The following ARID5B variants were observed in gnomAD, a reference collection of about 807,000 sequenced individuals.
ARID5B encodes AT-rich interaction domain 5B.
A neutral mutation model predicts 97.2 loss-of-function variants in ARID5B; 13 were observed. That is an observed-to-expected ratio of 0.13 (90% confidence interval 0.09 to 0.21). ARID5B has a LOEUF of 0.21. Among genes scored for constraint, ARID5B ranks in the 10% least tolerant of loss-of-function variants. The pLI is 1.00. For missense variants in ARID5B, 1,210 were observed against 1,465.3 expected, an observed-to-expected ratio of 0.83 and a Z score of 2.84; for synonymous variants, 556 against 570.3, an observed-to-expected ratio of 0.97 and a Z score of 0.36.
intron 4 of ARID5B, among the ~76,000 whole-genome samples, chr10:62,014,964 T>C (rs1839264552): frequency 6.6e-6 from 1 of 152,180 alleles, no homozygotes. Flanking sequence ...ATACTTGCAT[T>C]CCATCAATGA....
At chr10:61,940,968 T>A (rs1216221184) in intron 3 of ARID5B, among the ~76,000 whole-genome samples, 2 of 40,284 alleles carry the variant, frequency 5.0e-5, no homozygotes, top group African/African-American at 1.1e-4. Flanking sequence ...TATATATATT[T>A]TTTTTTTTTT....
At chr10:61,943,406 A>G (rs1203214133) in intron 3 of ARID5B, among the ~76,000 whole-genome samples, 1 of 152,152 alleles carries the variant, frequency 6.6e-6, no homozygotes, top group Non-Finnish European at 1.5e-5. Context: ...TTCCTTCTGT[A>G]GAACCCTTCC....
chr10:62,063,522 AAAG>A (rs1192263802), intron 7 of ARID5B, among the ~76,000 whole-genome samples: 1 of 152,124 alleles, frequency 6.6e-6, no homozygotes, highest in African/African-American at 2.4e-5. Flanking sequence ...AAAAAAAAAA[AAAG>A]AGGAGCAGAA....
intron 4 of ARID5B, among the ~76,000 whole-genome samples, chr10:62,047,586 G>A (rs1395847877): frequency 6.6e-6 from 1 of 152,120 alleles, no homozygotes; most frequent in East Asian, 1.9e-4. Flanking sequence ...TAGGATTTAG[G>A]TTCTGTCAGT....
Position 61,902,383 on chromosome 10 carries a change from T to A in ARID5B, c.246T>A (p.Thr82=), listed in dbSNP as rs751607314. 6.2e-7 allele frequency: 1 copy of A among 1,613,938 alleles called. No individual in the cohort carries two copies. The highest frequency in any genetic ancestry group is 8.5e-7 in the Non-Finnish European group (1 of 1,179,972). ...AACTTTATTTCCTCCCAGAAGACAC[T>A]CCCCAGGGCAGAAATAGCGACCATG... ...SSKLYFLPED[T]PQGRNSDHGE... Residue 82 remains threonine (T), a synonymous_variant, in exon 2 of 10, where the codon ACT becomes ACA. Transcript: ENST00000279873.
intron 2 of ARID5B, among the ~76,000 whole-genome samples, chr10:61,906,258 C>T (rs1843706704): frequency 2.0e-5 from 3 of 151,708 alleles, no homozygotes; most frequent in Admixed American, 2.0e-4. Context: ...GGTTCTTGGA[C>T]CTAAAAATGA....
At chr10:62,018,157 G>A (rs1174895643) in intron 4 of ARID5B, among the ~76,000 whole-genome samples, 1 of 152,118 alleles carries the variant, frequency 6.6e-6, no homozygotes, top group Non-Finnish European at 1.5e-5. Flanking sequence ...AGGGACAGAG[G>A]CCCCACTATG....
At chr10:62,042,806 T>C (rs1265671631) in intron 4 of ARID5B, among the ~76,000 whole-genome samples, 6 of 150,972 alleles carry the variant, frequency 4.0e-5, no homozygotes, top group Non-Finnish European at 7.4e-5. Flanking sequence ...TCCCAGCTAC[T>C]CGGGAGGCCG....
intron 3 of ARID5B, among the ~76,000 whole-genome samples, chr10:61,987,415 A>G (rs1255715999): frequency 1.3e-5 from 2 of 152,246 alleles, no homozygotes; most frequent in African/African-American, 2.4e-5. Context: ...AAGAACCCAT[A>G]TTCTGGAAAG....
rs1231598137 is a variant in ARID5B at position 62,091,091 on chromosome 10, C to A, written c.1628C>A (p.Pro543Gln). Residue 543 changes from proline (P) to glutamine (Q), a missense_variant, in exon 10 of 10, where the codon CCA becomes CAA. Pro to Gln is a moderately conservative substitution (Grantham distance 76). Coordinates refer to ENST00000279873, the MANE Select transcript of ARID5B (RefSeq NM_032199.3). ...AGEKGPTPPL[P>Q]SAPLAPEKDS... Reference sequence around the variant, plus strand: ...GAGAAGGGGCCCACACCTCCACTCCCAAGTGCTCCTCTGGCCCCAGAAAAA... The same window carrying A: ...GAGAAGGGGCCCACACCTCCACTCCAAAGTGCTCCTCTGGCCCCAGAAAAA... 1 of 1,613,970 alleles carries A rather than the reference C, an allele frequency of 6.2e-7. No individual in the cohort carries two copies. The highest frequency in any genetic ancestry group is 8.5e-7 in the Non-Finnish European group (1 of 1,180,004).
At chr10:62,057,459 C>A in intron 6 of ARID5B, 141 bp downstream of exon 6, 1 of 897,922 alleles carries the variant, frequency 1.1e-6, no homozygotes, top group Non-Finnish European at 1.7e-6. Context: ...CATAAATGTT[C>A]CAGGCCAAGA....
At chr10:62,077,942 G>T (rs1211363291) in intron 8 of ARID5B, among the ~76,000 whole-genome samples, 1 of 152,178 alleles carries the variant, frequency 6.6e-6, no homozygotes, top group Non-Finnish European at 1.5e-5. Context: ...TATGACAGAA[G>T]AATGTAATTG....
At chr10:61,904,142 C>G (rs2132749895) in intron 2 of ARID5B, among the ~76,000 whole-genome samples, 1 of 141,862 alleles carries the variant, frequency 7.0e-6, no homozygotes, top group African/African-American at 2.6e-5. Context: ...AAATTTATTA[C>G]TTCAACATGG....
At chr10:61,947,732 A>C (rs771164011) in intron 3 of ARID5B, among the ~76,000 whole-genome samples, 4 of 152,196 alleles carry the variant, frequency 2.6e-5, no homozygotes, top group Non-Finnish European at 4.4e-5. Context: ...GGCTCAAATA[A>C]GTAATATTCA....
intron 2 of ARID5B, among the ~76,000 whole-genome samples, chr10:61,935,022 A>C (rs1193496400): frequency 6.6e-6 from 1 of 151,956 alleles, no homozygotes; most frequent in South Asian, 2.1e-4. Flanking sequence ...AAAAAAAAAA[A>C]AAAAAAGATT....
At chr10:62,026,944 A>G (rs911655898) in intron 4 of ARID5B, among the ~76,000 whole-genome samples, 1 of 152,238 alleles carries the variant, frequency 6.6e-6, no homozygotes, top group Non-Finnish European at 1.5e-5. Flanking sequence ...AGCCTGCAGA[A>G]GGAGCCAAAT....
intron 2 of ARID5B, among the ~76,000 whole-genome samples, chr10:61,911,294 A>T (rs181465005): frequency 3.3e-5 from 5 of 152,346 alleles, no homozygotes; most frequent in Admixed American, 2.6e-4. Flanking sequence ...AGTATTCCTG[A>T]GCACGAGTAA....
chr10:61,953,739 T>C (rs1838354626), intron 3 of ARID5B, among the ~76,000 whole-genome samples: 1 of 152,214 alleles, frequency 6.6e-6, no homozygotes, highest in Non-Finnish European at 1.5e-5. Flanking sequence ...AATACCCATC[T>C]CACAGTTTTG....
intron 3 of ARID5B, among the ~76,000 whole-genome samples, chr10:61,965,612 GA>G (rs1022061994): frequency 9.3e-4 from 141 of 152,044 alleles, no homozygotes; most frequent in African/African-American, 3.0e-3. Context: ...CGTCAATTCA[GA>G]AAAAAAATTT....
Sources: allele counts gnomAD v4.1 joint callset (sites outside exome capture counted in the v4.1 genomes callset), GRCh38; gene constraint gnomAD v4.1.1; transcripts MANE v1.5; gene names NCBI Gene and HGNC (gene_info 2026-07-23, HGNC 2026-07-21).